Variants in GPD2 observed in about 807,000 individuals in gnomAD.
GPD2 encodes glycerol-3-phosphate dehydrogenase 2, also known as glycerol-3-phosphate dehydrogenase, mitochondrial.
In GPD2, 54 loss-of-function variants were observed where a neutral mutation model predicts 82.4. That is an observed-to-expected ratio of 0.66 (90% CI 0.53 to 0.82). The LOEUF (loss-of-function observed/expected upper bound fraction) is 0.82, where lower values mean the gene tolerates loss of function less well. Ranked by LOEUF, GPD2 falls within the 40% of genes least tolerant of loss-of-function variation. GPD2 has a pLI of 0.00. For synonymous variants in GPD2, 288 were observed against 306.1 expected (o/e 0.94, Z 0.62); for missense variants, 748 against 896.2 (o/e 0.83, Z 2.11).
intron 2 of GPD2, among the ~76,000 whole-genome samples, chr2:156,480,215 G>A (rs1683673155): frequency 6.6e-6 from 1 of 152,082 alleles, no homozygotes; most frequent in African/African-American, 2.4e-5. Flanking sequence ...TAGGAAAAGG[G>A]GTCATGGGAT....
the GPD2 span, among the ~76,000 whole-genome samples, chr2:156,429,352 C>G: frequency 6.6e-6 from 1 of 152,220 alleles, no homozygotes; most frequent in African/African-American, 2.4e-5. Context: ...ATGTTCTCTG[C>G]AAGAGTTTCT....
intron 2 of GPD2, 21 bp downstream of exon 2, chr2:156,476,228 T>C (rs759424513): frequency 8.0e-7 from 1 of 1,246,206 alleles, no homozygotes; most frequent in Admixed American, 1.7e-5. Context: ...GTACTTGTGT[T>C]GATTACAGTA....
intron 8 of GPD2, among the ~76,000 whole-genome samples, chr2:156,556,632 C>G (rs1182392456): frequency 6.6e-6 from 1 of 152,034 alleles, no homozygotes. Flanking sequence ...CAGCATTGTA[C>G]CTTGATTTAA....
At chr2:156,533,387 C>G (rs1347487207) in intron 6 of GPD2, among the ~76,000 whole-genome samples, 1 of 152,192 alleles carries the variant, frequency 6.6e-6, no homozygotes, top group African/African-American at 2.4e-5. Context: ...TGAATTCTCC[C>G]TTGTGTTTCT....
intron 13 of GPD2, among the ~76,000 whole-genome samples, chr2:156,571,542 A>G (rs981705741): frequency 6.6e-6 from 1 of 152,192 alleles, no homozygotes; most frequent in Non-Finnish European, 1.5e-5. Context: ...AAGAAAGATA[A>G]TAATGATTGT....
chr2:156,492,712 GGA>G (rs1470248408), intron 2 of GPD2, among the ~76,000 whole-genome samples: 1 of 152,054 alleles, frequency 6.6e-6, no homozygotes, highest in Non-Finnish European at 1.5e-5. Flanking sequence ...AGGTAGCAGT[GGA>G]GATGAAGTGA....
At position 156,437,582 on chromosome 2, in the gene GPD2, T is replaced by C. The variant is rs556459786; in HGVS notation, c.-9+1069T>C. On this transcript the variant is annotated intron_variant, in intron 1 of 16. Transcript: ENST00000438166. ...TCAAATTACAACACTCCCTTGACTTTTACAAATCAACTCGTGAAATAATAC... is the reference window on the plus strand; with the variant it reads ...TCAAATTACAACACTCCCTTGACTTCTACAAATCAACTCGTGAAATAATAC... 2.0e-5 allele frequency among the ~76,000 whole-genome samples: 3 copies of C among 152,312 alleles called. No homozygotes were observed. The South Asian group carries it at 6.2e-4, about 32-fold the overall frequency.
intron 6 of GPD2, among the ~76,000 whole-genome samples, chr2:156,547,502 G>A (rs1686591056): frequency 6.6e-6 from 1 of 152,168 alleles, no homozygotes; most frequent in Non-Finnish European, 1.5e-5. Flanking sequence ...GGCAGACGAG[G>A]ATCATATCAT....
At chr2:156,477,632 A>G (rs980769816) in intron 2 of GPD2, among the ~76,000 whole-genome samples, 2 of 152,178 alleles carry the variant, frequency 1.3e-5, no homozygotes, top group African/African-American at 2.4e-5. Flanking sequence ...ATCACTCTCA[A>G]TGCATGTATG....
In GPD2 at chr2:156,582,223, TAA is replaced by T. The variant is rs1045148824; in HGVS notation, c.2059-566_2059-565del. On this transcript the variant is annotated intron_variant, in intron 16 of 16. Transcript: ENST00000438166. ...ACTAATTCTGATTTTATCCATTGGA[TAA>T]AAATGAATTAGCTAAAATCTGGGCT... Among the ~76,000 whole-genome samples the T allele has an allele frequency of 3.9e-4, 60 of 152,164 alleles. 1 individual carries two copies. Among genetic ancestry groups the T allele is most frequent in the Admixed American group, 8.5e-4 (13 of 15,258 alleles).
intron 7 of GPD2, 65 bp from the exon 8 acceptor site, chr2:156,550,537 A>G (rs982020355): frequency 6.3e-5 from 93 of 1,477,632 alleles, no homozygotes; most frequent in Non-Finnish European, 8.5e-5. Context: ...ATGAATTAGT[A>G]ATACACAGCA....
chr2:156,416,702 A>G, the GPD2 span, among the ~76,000 whole-genome samples: 2 of 151,982 alleles, frequency 1.3e-5, no homozygotes, highest in African/African-American at 4.8e-5. Flanking sequence ...ACTCTTTCAG[A>G]CACTGATGAT....
At chr2:156,559,176 T>C (rs571116452) in intron 9 of GPD2, among the ~76,000 whole-genome samples, 1 of 152,290 alleles carries the variant, frequency 6.6e-6, no homozygotes, top group East Asian at 1.9e-4. Context: ...GTTGGTCATA[T>C]CGTTTGTATA....
chr2:156,405,774 T>C, the GPD2 span, among the ~76,000 whole-genome samples: 12 of 152,092 alleles, frequency 7.9e-5, no homozygotes, highest in Admixed American at 7.2e-4. Flanking sequence ...GAAGCTCCCA[T>C]TGAAGCTGGT....
intron 13 of GPD2, among the ~76,000 whole-genome samples, chr2:156,576,744 A>T (rs564203936): frequency 1.3e-5 from 2 of 152,218 alleles, no homozygotes; most frequent in Non-Finnish European, 2.9e-5. Flanking sequence ...TTGAAATTCC[A>T]TAATTCCTTG....
intron 13 of GPD2, 152 bp downstream of exon 13, chr2:156,571,444 A>T (rs1041303939): frequency 2.5e-5 from 11 of 446,352 alleles, no homozygotes; most frequent in Admixed American, 1.6e-4. Flanking sequence ...GCCTTAGGAA[A>T]ATGGAAAGAT....
At chr2:156,482,009 C>T (rs1387623421) in intron 2 of GPD2, among the ~76,000 whole-genome samples, 1 of 152,124 alleles carries the variant, frequency 6.6e-6, no homozygotes, top group Non-Finnish European at 1.5e-5. Context: ...ACTTCCTGCA[C>T]AGGTTTATTA....
chr2:156,449,706 T>C (rs1320586033), intron 1 of GPD2, among the ~76,000 whole-genome samples: 3 of 152,062 alleles, frequency 2.0e-5, no homozygotes, highest in Non-Finnish European at 4.4e-5. Context: ...GGACAACCAT[T>C]GTATTAAAGA....
intron 1 of GPD2, among the ~76,000 whole-genome samples, chr2:156,468,525 G>T (rs1683220176): frequency 6.6e-6 from 1 of 152,026 alleles, no homozygotes; most frequent in South Asian, 2.1e-4. Context: ...AGGAGCATTT[G>T]CTACCTTTGG....
Sources: allele counts gnomAD v4.1 joint callset (sites outside exome capture counted in the v4.1 genomes callset), GRCh38; gene constraint gnomAD v4.1.1; transcripts MANE v1.5; gene names NCBI Gene and HGNC (gene_info 2026-07-23, HGNC 2026-07-21).